Variants in ZMAT4 observed in about 807,000 individuals in gnomAD.
ZMAT4 encodes zinc finger matrin-type 4, also known as zinc finger matrin-type protein 4.
In ZMAT4, 17 loss-of-function variants were observed where a neutral mutation model predicts 28.7. The ratio of observed to expected loss-of-function variants is 0.59; its 90% CI spans 0.41 to 0.89. The LOEUF (loss-of-function observed/expected upper bound fraction) is 0.89, where lower values mean the gene tolerates loss of function less well. ZMAT4 is among the 40% of genes least tolerant of loss of function. The pLI is 0.00. For synonymous variants in ZMAT4, 117 were observed against 109.2 expected (o/e 1.07, Z -0.44); for missense variants, 240 against 283.8 (o/e 0.85, Z 1.11).
At chr8:40,748,098 C>T (rs1812311929) in intron 3 of ZMAT4, among the ~76,000 whole-genome samples, 3 of 152,130 alleles carry the variant, frequency 2.0e-5, no homozygotes, top group Non-Finnish European at 4.4e-5. Context: ...TTTTAAAGGT[C>T]AGCTGTAAAA....
At chr8:40,781,789 A>AAAAAAAAAAAAC (rs1563480296) in intron 2 of ZMAT4, among the ~76,000 whole-genome samples, 41 of 147,926 alleles carry the variant, frequency 2.8e-4, no homozygotes, top group African/African-American at 9.9e-4. Context: ...AAAAAAAAAA[A>AAAAAAAAAAAAC]AAGAAAAGAA....
At chr8:40,722,616 T>A (rs542630607) in intron 3 of ZMAT4, among the ~76,000 whole-genome samples, 1 of 152,314 alleles carries the variant, frequency 6.6e-6, no homozygotes, top group Non-Finnish European at 1.5e-5. Flanking sequence ...AGCCTAATAT[T>A]CCTGCTCTTT....
At chr8:40,539,796 C>G (rs1802968943) in intron 6 of ZMAT4, among the ~76,000 whole-genome samples, 1 of 152,324 alleles carries the variant, frequency 6.6e-6, no homozygotes, top group African/African-American at 2.4e-5. Context: ...AGGTGGAGGT[C>G]TAAGCCCTTG....
intron 4 of ZMAT4, among the ~76,000 whole-genome samples, chr8:40,679,861 T>G (rs2150477994): frequency 6.6e-6 from 1 of 152,288 alleles, no homozygotes; most frequent in East Asian, 1.9e-4. Context: ...ATTCCAAGCC[T>G]TTTGATGAAT....
chr8:40,850,910 C>T (rs902155363), intron 1 of ZMAT4, among the ~76,000 whole-genome samples: 3 of 152,136 alleles, frequency 2.0e-5, no homozygotes, highest in African/African-American at 7.2e-5. Flanking sequence ...CTATGTGCGG[C>T]ATATCTATCA....
At chr8:40,589,883 CCCCTT>C (rs961963595) in intron 5 of ZMAT4, among the ~76,000 whole-genome samples, 4 of 144,616 alleles carry the variant, frequency 2.8e-5, no homozygotes, top group South Asian at 2.3e-4. Flanking sequence ...TCTTCCCCTT[CCCCTT>C]CCCTTCCCTT....
At chr8:40,895,525 G>T (rs1295108136) in intron 1 of ZMAT4, among the ~76,000 whole-genome samples, 3 of 152,044 alleles carry the variant, frequency 2.0e-5, no homozygotes, top group Non-Finnish European at 2.9e-5. Context: ...TCTCTGTTCC[G>T]AATGGGGAAA....
At chr8:40,819,317 T>C (rs914275340) in intron 2 of ZMAT4, among the ~76,000 whole-genome samples, 2 of 152,172 alleles carry the variant, frequency 1.3e-5, no homozygotes, top group East Asian at 3.8e-4. Flanking sequence ...TTGCCATAAC[T>C]ATAAAACTAT....
chr8:40,871,009 T>C (rs1817836436), intron 1 of ZMAT4, among the ~76,000 whole-genome samples: 1 of 152,092 alleles, frequency 6.6e-6, no homozygotes, highest in Non-Finnish European at 1.5e-5. Flanking sequence ...CCCCATAACC[T>C]CTTCAGTGAC....
rs145379001 is a variant in ZMAT4 at position 40,681,896 on chromosome 8, T to A, written c.350-6965A>T. ...CATGCAGAAATAAAAAAAAAAGATATGTTTTAGAAAAGTATTTAGAGACCT... is the reference window on the plus strand; with the variant it reads ...CATGCAGAAATAAAAAAAAAAGATAAGTTTTAGAAAAGTATTTAGAGACCT... On this transcript the variant is annotated intron_variant, in intron 4 of 6. Transcript: ENST00000297737. 1.2e-3 allele frequency among the ~76,000 whole-genome samples: 181 copies of A among 152,128 alleles called. 1 individual carries two copies. Among genetic ancestry groups the A allele is most frequent in the African/African-American group, 4.1e-3 (170 of 41,498 alleles).
At chr8:40,767,272 G>A (rs7840459) in intron 3 of ZMAT4, among the ~76,000 whole-genome samples, 1,654 of 152,280 alleles carry the variant, frequency 0.011, 22 homozygotes, top group African/African-American at 0.038. Context: ...AAAGTATGTA[G>A]AAAGTGAAGT....
intron 6 of ZMAT4, among the ~76,000 whole-genome samples, chr8:40,533,328 T>C (rs995316608): frequency 2.0e-5 from 3 of 152,204 alleles, no homozygotes; most frequent in African/African-American, 2.4e-5. Flanking sequence ...CTTGTTGACA[T>C]CTTCTGCCGG....
rs1408488234 is a variant in ZMAT4 at position 40,673,488 on chromosome 8, T to C, written c.577+1216A>G. On this transcript the variant is annotated intron_variant, in intron 5 of 6. Transcript: ENST00000297737. ...ATTGATTTGCAAATGTTGTTATCTA[T>C]AGCTTGCAGCCATTATGAATGACCT... Among the ~76,000 whole-genome samples the C allele has an allele frequency of 2.0e-5, 3 of 152,282 alleles. No homozygotes were observed. In the East Asian group the frequency reaches 5.8e-4, roughly 29 times the overall value.
At chr8:40,625,583 C>T (rs1448991906) in intron 5 of ZMAT4, among the ~76,000 whole-genome samples, 3 of 152,100 alleles carry the variant, frequency 2.0e-5, no homozygotes, top group East Asian at 1.9e-4. Flanking sequence ...CTGATCATCA[C>T]TTACACAGCT....
intron 3 of ZMAT4, among the ~76,000 whole-genome samples, chr8:40,725,071 C>T (rs970122938): frequency 1.4e-4 from 21 of 152,154 alleles, no homozygotes; most frequent in African/African-American, 1.7e-4. Context: ...TGCTATGGAA[C>T]GCCTGCCTAC....
At chr8:40,647,904 C>A (rs1169568498) in intron 5 of ZMAT4, among the ~76,000 whole-genome samples, 1 of 152,122 alleles carries the variant, frequency 6.6e-6, no homozygotes, top group Non-Finnish European at 1.5e-5. Context: ...GAAAGGACAT[C>A]CACACCAAAA....
chr8:40,692,292 G>A (rs891457069), intron 4 of ZMAT4, among the ~76,000 whole-genome samples: 1 of 152,024 alleles, frequency 6.6e-6, no homozygotes, highest in Non-Finnish European at 1.5e-5. Context: ...ATGAAAGAAA[G>A]GTTATTGCTA....
intron 6 of ZMAT4, among the ~76,000 whole-genome samples, chr8:40,576,041 A>G (rs79060766): frequency 0.092 from 14,012 of 152,098 alleles, 1,290 homozygotes; most frequent in East Asian, 0.53. Flanking sequence ...AAGAACATAA[A>G]AAAACCAGAC....
intron 2 of ZMAT4, among the ~76,000 whole-genome samples, chr8:40,782,508 T>A (rs1813881713): frequency 6.6e-6 from 1 of 152,218 alleles, no homozygotes; most frequent in Admixed American, 6.5e-5. Context: ...ATCCCAAATG[T>A]GTAAACAATT....
Sources: allele counts gnomAD v4.1 joint callset (sites outside exome capture counted in the v4.1 genomes callset), GRCh38; gene constraint gnomAD v4.1.1; transcripts MANE v1.5; gene names NCBI Gene and HGNC (gene_info 2026-07-23, HGNC 2026-07-21).